ANOS1: variants seen among roughly 807,000 people sequenced by gnomAD.
The protein encoded by ANOS1 is anosmin 1, also known as anosmin-1.
Under a neutral mutation model 59.0 loss-of-function variants are expected in ANOS1, and 6 were observed. That is an observed-to-expected ratio of 0.10 (90% CI 0.06 to 0.20). The LOEUF (loss-of-function observed/expected upper bound fraction) is 0.20, where lower values mean the gene tolerates loss of function less well. Among genes scored for constraint, ANOS1 ranks in the 10% least tolerant of loss-of-function variants. The pLI, the probability that ANOS1 is intolerant of heterozygous loss-of-function variation, is 1.00. For missense variants in ANOS1, 433 were observed against 542.3 expected (o/e 0.80, Z 2.00); for synonymous variants, 217 against 223.4 (o/e 0.97, Z 0.25).
chrX:8,589,141 C>A (rs375127483), intron 4 of ANOS1, among the ~76,000 whole-genome samples: 5 of 111,808 alleles, frequency 4.5e-5, no homozygotes, highest in African/African-American at 1.6e-4. Flanking sequence ...GTCTTGTTTA[C>A]GAAAATTTTA....
chrX:8,672,165 TACACACACAC>T (rs111374928), intron 2 of ANOS1, among the ~76,000 whole-genome samples: 1 of 102,427 alleles, frequency 9.8e-6, no homozygotes, highest in African/African-American at 3.7e-5. Context: ...CACATGCACA[TACACACACAC>T]ACACACACAC....
At chrX:8,559,197 A>G (rs1203225853) in intron 8 of ANOS1, among the ~76,000 whole-genome samples, 1 of 111,851 alleles carries the variant, frequency 8.9e-6, no homozygotes, top group Non-Finnish European at 1.9e-5. Context: ...TTCTTCGAAA[A>G]AGTGGCCACA....
At chrX:8,714,937 T>C (rs1231503264) in intron 1 of ANOS1, among the ~76,000 whole-genome samples, 2 of 112,324 alleles carry the variant, frequency 1.8e-5, no homozygotes, top group Non-Finnish European at 3.7e-5. Flanking sequence ...CCATTCATCA[T>C]GATTCTGGGT....
At chrX:8,671,732 AAG>A (rs2146880775) in intron 2 of ANOS1, among the ~76,000 whole-genome samples, 1 of 109,393 alleles carries the variant, frequency 9.1e-6, no homozygotes, top group South Asian at 3.8e-4. Flanking sequence ...ACAAGACCAT[AAG>A]TGAAAAAATT....
intron 6 of ANOS1, among the ~76,000 whole-genome samples, chrX:8,575,929 C>A (rs1195953525): frequency 1.8e-5 from 2 of 110,612 alleles, no homozygotes; most frequent in Admixed American, 1.9e-4. Context: ...TAGAGAAAGA[C>A]CCTGTCTCTA....
At chrX:8,671,304 G>A (rs1484781229) in intron 2 of ANOS1, among the ~76,000 whole-genome samples, 1 of 111,310 alleles carries the variant, frequency 9.0e-6, no homozygotes, top group Non-Finnish European at 1.9e-5. Flanking sequence ...TAGAAAACCC[G>A]ACTCTTCAGA....
rs1006872121 is a variant in ANOS1, at chrX:8,531,900, G to A, written c.*1095C>T. ...ATAACACGTTTTGACTTAAGTTCAT[G>A]CTACAAGGCACTAATTTGTAGCATA... On this transcript the variant is annotated 3_prime_UTR_variant, in exon 14 of 14. Transcript: ENST00000262648. 2 of 111,622 alleles carry A rather than the reference G, an allele frequency of 1.8e-5. No homozygotes were observed. Among genetic ancestry groups the A allele is most frequent in the Non-Finnish European group, 3.8e-5 (2 of 53,156 alleles). 9.2% of individuals were successfully genotyped at this position (111,622 alleles called of 1,213,427 possible).
Position 8,659,232 on chromosome X carries a change from A to T in ANOS1, c.256-35562T>A, listed in dbSNP as rs889502453. Among the ~76,000 whole-genome samples the T allele has an allele frequency of 4.4e-3, 478 of 108,674 alleles. 1 individual carries two copies. Among genetic ancestry groups the T allele is most frequent in the Non-Finnish European group, 7.0e-3 (366 of 52,370 alleles). The allele number at this position is 108,674 out of a possible 115,157, so 94.4% of individuals were successfully genotyped here. A position where few individuals can be genotyped will look rare whatever the true frequency, so the allele number is the denominator to read the frequency against. On this transcript the variant is annotated intron_variant, in intron 2 of 13. Transcript: ENST00000262648. ...AGAGAATGAGACTCTGTCTCAATAAAAAAAAAAAAAATACACATCTATGTA... is the reference window on the plus strand; with the variant it reads ...AGAGAATGAGACTCTGTCTCAATAATAAAAAAAAAAATACACATCTATGTA...
At chrX:8,700,225 A>G (rs145440029) in intron 1 of ANOS1, among the ~76,000 whole-genome samples, 1,238 of 112,094 alleles carry the variant, frequency 0.011, 20 homozygotes, top group African/African-American at 0.038. Context: ...TAATTTATGA[A>G]GAAAAGAGGT....
At chrX:8,700,944 G>C (rs765204858) in intron 1 of ANOS1, among the ~76,000 whole-genome samples, 85 of 111,888 alleles carry the variant, frequency 7.6e-4, no homozygotes, top group Non-Finnish European at 1.2e-3. Context: ...AGGAGGAGGA[G>C]GTTGCAGTGA....
rs1929505985 is a variant in ANOS1 at position 8,531,990 on chromosome X, C to G, written c.*1005G>C. 9.0e-6 allele frequency: 1 copy of G among 111,574 alleles called. No individual in the cohort carries two copies. Among genetic ancestry groups the G allele is most frequent in the Non-Finnish European group, 1.9e-5 (1 of 53,117 alleles). The allele number at this position is 111,574 out of a possible 1,213,427, so 9.2% of individuals were successfully genotyped here. ...ATATGGGTGAATTAAATGCAAATAA[C>G]TGTCCTTCTCTATCAATCAAAGGAA... On this transcript the variant is annotated 3_prime_UTR_variant, in exon 14 of 14. Transcript: ENST00000262648.
At chrX:8,599,536 T>C (rs1285341141) in intron 3 of ANOS1, among the ~76,000 whole-genome samples, 1 of 111,880 alleles carries the variant, frequency 8.9e-6, no homozygotes, top group African/African-American at 3.3e-5. Flanking sequence ...CTCTGCACCA[T>C]CGTGACACCT....
In ANOS1 at chrX:8,536,961, A is replaced by T; in HGVS notation, c.1450-19T>A. On this transcript the variant is annotated intron_variant, in intron 10 of 13. Coordinates refer to ENST00000262648, the MANE Select transcript of ANOS1 (RefSeq NM_000216.4). ...AATTTTCCTAGAGCAAGAGAAAGAG[A>T]ATTATGCTAGCAATAAATCTCATTA... 8.6e-7 allele frequency: 1 copy of T among 1,160,040 alleles called. No individual in the cohort carries two copies. Among genetic ancestry groups the T allele is most frequent in the Non-Finnish European group, 1.2e-6 (1 of 849,220 alleles).
chrX:8,626,111 CAA>C (rs138234272), intron 2 of ANOS1, among the ~76,000 whole-genome samples: 9 of 24,522 alleles, frequency 3.7e-4, no homozygotes, highest in African/African-American at 1.2e-3. Flanking sequence ...GACTCTGTCT[CAA>C]AAAAAAAAAA....
intron 2 of ANOS1, among the ~76,000 whole-genome samples, chrX:8,667,738 A>G (rs1326698661): frequency 9.0e-6 from 1 of 111,213 alleles, no homozygotes; most frequent in Non-Finnish European, 1.9e-5. Context: ...AGAGTAAGGT[A>G]AGGGATTTAG....
At chrX:8,564,119 G>A (rs1302381326) in intron 8 of ANOS1, among the ~76,000 whole-genome samples, 2 of 111,697 alleles carry the variant, frequency 1.8e-5, no homozygotes, top group Non-Finnish European at 3.8e-5. Context: ...CCGGATGGAG[G>A]CAGGAGATCC....
chrX:8,531,795 C>T lies in ANOS1; in HGVS notation c.*1200G>A, dbSNP rs1929502520. The T allele has an allele frequency of 9.0e-6, 1 of 110,819 alleles. No individual in the cohort carries two copies. The highest frequency in any genetic ancestry group is 3.8e-4 in the South Asian group (1 of 2,625). The allele number at this position is 110,819 out of a possible 1,213,427, so 9.1% of individuals were successfully genotyped here. ...TTTCAAACCATGTATGTGAGTATTC[C>T]TTCAAGAAAAAAAACAGTATTAAAT... On this transcript the variant is annotated 3_prime_UTR_variant, in exon 14 of 14. Transcript: ENST00000262648.
At chrX:8,684,660 C>T (rs748770399) in intron 2 of ANOS1, among the ~76,000 whole-genome samples, 1 of 110,052 alleles carries the variant, frequency 9.1e-6, no homozygotes, top group Non-Finnish European at 1.9e-5. Context: ...CCCCACCCCC[C>T]GCCTTCCCCG....
intron 2 of ANOS1, among the ~76,000 whole-genome samples, chrX:8,667,939 G>C (rs61639686): frequency 0.019 from 2,105 of 111,488 alleles, 58 homozygotes; most frequent in African/African-American, 0.066. Context: ...AATGAGAAAA[G>C]AGGAATAACT....
Sources: gnomAD v4.1 joint callset for allele counts (sites outside exome capture counted in the v4.1 genomes callset) on GRCh38, gnomAD v4.1.1 for gene constraint, MANE v1.5 for transcripts, NCBI Gene and HGNC (gene_info 2026-07-23, HGNC 2026-07-21) for gene names.